Variants in NKX2-6 observed in about 807,000 individuals in gnomAD.
The protein encoded by NKX2-6 is NK2 homeobox 6, also known as homeobox protein Nkx-2.6.
NKX2-6 carries 8 observed loss-of-function variants against 8.6 expected under a neutral mutation model. The observed-to-expected ratio is 0.93, with a 90% CI of 0.54 to 1.67. The LOEUF (loss-of-function observed/expected upper bound fraction) is 1.67, where lower values mean the gene tolerates loss of function less well. Among genes scored for constraint, NKX2-6 ranks in the 40% most tolerant of loss-of-function variants. The pLI is 0.00. For missense variants in NKX2-6, 475 were observed against 423.1 expected (o/e 1.12, Z -1.08); for synonymous variants, 210 against 199.3 (o/e 1.05, Z -0.45).
rs1801016037 is a variant in NKX2-6 at position 23,702,273 on chromosome 8, C to A, written c.*178G>T. ...TCTTTTGGGGGAAGAACGTCCCAGGCGGGGCCTTTAACTGGGTGACTGTGG... is the reference window on the plus strand; with the variant it reads ...TCTTTTGGGGGAAGAACGTCCCAGGAGGGGCCTTTAACTGGGTGACTGTGG... On this transcript the variant is annotated 3_prime_UTR_variant, in exon 2 of 2. Coordinates refer to ENST00000325017, the MANE Select transcript of NKX2-6 (RefSeq NM_001136271.3). Among the ~76,000 whole-genome samples, 1 of 152,214 alleles carries A rather than the reference C, an allele frequency of 6.6e-6. No homozygotes were observed. The highest frequency in any genetic ancestry group is 2.1e-4 in the South Asian group (1 of 4,838).
Position 23,706,333 on chromosome 8 carries a change from C to T in NKX2-6, c.266G>A (p.Gly89Glu), listed in dbSNP as rs1441762130. ...AVLEMDAERMGEPQPGLNAAS... is the reference protein window; with the variant it reads ...AVLEMDAERMEEPQPGLNAAS... Reference sequence around the variant, plus strand: ...CCTGAGCGCTTACTCACGTGGCTCCCCCATCCGTTCCGCGTCCATCTCCAA... The same window carrying T: ...CCTGAGCGCTTACTCACGTGGCTCCTCCATCCGTTCCGCGTCCATCTCCAA... The change falls in exon 1 of 2, where the codon GGG becomes GAG. Residue 89 changes from glycine to glutamate, a missense_variant. Gly to Glu is a moderately conservative substitution (Grantham distance 98, BLOSUM62 -2). Coordinates refer to ENST00000325017, the MANE Select transcript of NKX2-6 (RefSeq NM_001136271.3). 1.3e-6 allele frequency: 2 copies of T among 1,549,010 alleles called. No homozygotes were observed. The highest frequency in any genetic ancestry group is 1.7e-6 in the Non-Finnish European group (2 of 1,145,202).
chr8:23,706,298 G>C, intron 1 of NKX2-6, 27 bp downstream of exon 1: 1 of 1,503,490 alleles, frequency 6.7e-7, no homozygotes, highest in Non-Finnish European at 8.9e-7. Flanking sequence ...TCCCCCCGTA[G>C]GAGGCAAGAC....
chr8:23,705,905 A>C (rs1030271630), intron 1 of NKX2-6, among the ~76,000 whole-genome samples: 1 of 152,192 alleles, frequency 6.6e-6, no homozygotes, highest in African/African-American at 2.4e-5. Context: ...TTTGATGGCC[A>C]CACGCTTTTG....
chr8:23,702,337 G>C lies in NKX2-6; in HGVS notation c.*114C>G, dbSNP rs1403337561. On this transcript the variant is annotated 3_prime_UTR_variant, in exon 2 of 2. Coordinates refer to ENST00000325017, the MANE Select transcript of NKX2-6 (RefSeq NM_001136271.3). ...TTCAGAGATCCCTCCGGAAAGAAGC[G>C]CCGTTGGGTAGCAGCTTCCTTCCAG... 2.5e-6 allele frequency: 3 copies of C among 1,179,740 alleles called. No individual in the cohort carries two copies. The highest frequency in any genetic ancestry group is 3.4e-6 in the Non-Finnish European group (3 of 874,640). 73.1% of individuals were successfully genotyped at this position (1,179,740 alleles called of 1,614,324 possible).
chr8:23,702,951 G>C lies in NKX2-6; in HGVS notation c.406C>G (p.Arg136Gly). 6.5e-7 allele frequency: 1 copy of C among 1,547,840 alleles called. No homozygotes were observed. The highest frequency in any genetic ancestry group is 8.7e-7 in the Non-Finnish European group (1 of 1,145,746). Residue 136 changes from arginine (R) to glycine (G), a missense_variant, in exon 2 of 2, where the codon CGC (arginine) becomes GGC (glycine). Transcript: ENST00000325017. ...QPKARQRRKP[R>G]VLFSQAQVLA... is the part of the protein sequence containing the mutation. The stretch of plus-strand genomic sequence containing the variant: ...ACCTGCGCCTGCGAAAAGAGCACGC[G>C]CGGCTTCCGTCGTTGCCGCGCCTTG...
rs1461236642 is a variant in NKX2-6, at chr8:23,702,879, G to A, written c.478C>T (p.Pro160Ser). 2 of 1,558,830 alleles carry A rather than the reference G, an allele frequency of 1.3e-6. No homozygotes were observed. The highest frequency in any genetic ancestry group is 1.7e-6 in the Non-Finnish European group (2 of 1,151,128). ...GCGCTGGCCAGGTGCTCGCGCTCGGGCGCTGACAGGTACCGCTGCTGCTTG... is the reference window on the plus strand; with the variant it reads ...GCGCTGGCCAGGTGCTCGCGCTCGGACGCTGACAGGTACCGCTGCTGCTTG... ...RFKQQRYLSA[P>S]EREHLASALQ... The change falls in exon 2 of 2, where the codon CCC becomes TCC. Residue 160 changes from proline to serine, a missense_variant. Pro to Ser is a moderately conservative substitution (Grantham distance 74). Transcript: ENST00000325017.
chr8:23,703,921 C>G (rs944876294), intron 1 of NKX2-6, among the ~76,000 whole-genome samples: 1 of 151,928 alleles, frequency 6.6e-6, no homozygotes, highest in Non-Finnish European at 1.5e-5. Flanking sequence ...AGAGAGAAGC[C>G]CGGGTGTCAA....
chr8:23,704,451 G>T (rs752150708), intron 1 of NKX2-6, among the ~76,000 whole-genome samples: 8 of 152,150 alleles, frequency 5.3e-5, no homozygotes, highest in Non-Finnish European at 1.0e-4. Context: ...TACCCCAAGG[G>T]TGGATAGAAG....
intron 1 of NKX2-6, 32 bp downstream of exon 1, chr8:23,706,293 C>A: frequency 6.6e-7 from 1 of 1,510,432 alleles, no homozygotes; most frequent in Non-Finnish European, 8.9e-7. Context: ...CACATTCCCC[C>A]CGTAGGAGGC....
At chr8:23,704,887 C>T (rs1264121150) in intron 1 of NKX2-6, among the ~76,000 whole-genome samples, 1 of 152,216 alleles carries the variant, frequency 6.6e-6, no homozygotes, top group South Asian at 2.1e-4. Context: ...TGTTCACAAT[C>T]CTGGAGTTCT....
chr8:23,706,189 T>C (rs1032689024), intron 1 of NKX2-6, 136 bp downstream of exon 1: 4 of 944,064 alleles, frequency 4.2e-6, no homozygotes, highest in Middle Eastern at 2.5e-4. Context: ...AGAGGCCTTT[T>C]TTTGGACTCC....
At position 23,702,850 on chromosome 8, in the gene NKX2-6, C is replaced by T. The variant is rs1339126230; in HGVS notation, c.507G>A (p.Leu169=). The change falls in exon 2 of 2, where the codon CTG becomes CTA. Residue 169 remains leucine (L), a synonymous_variant. Coordinates refer to ENST00000325017, the MANE Select transcript of NKX2-6 (RefSeq NM_001136271.3). ...APEREHLASA[L]QLTSTQVKIW... is the part of the protein sequence containing the mutation. ...TCTTGACCTGCGTGGACGTGAGCTG[C>T]AGCGCGCTGGCCAGGTGCTCGCGCT... is the stretch of plus-strand genomic sequence containing the variant. 4.5e-6 allele frequency: 7 copies of T among 1,569,494 alleles called. No homozygotes were observed. The highest frequency in any genetic ancestry group is 3.5e-5 in the South Asian group (3 of 85,492).
Position 23,706,733 on chromosome 8 carries a change from C to G in NKX2-6, c.-135G>C, listed in dbSNP as rs1801099049. ...CGCCCAGCGTCCCAGACAGCGCCTTCCTCTGGGCCATGCTGGTAGGCCCGG... is the reference window on the plus strand; with the variant it reads ...CGCCCAGCGTCCCAGACAGCGCCTTGCTCTGGGCCATGCTGGTAGGCCCGG... On this transcript the variant is annotated 5_prime_UTR_variant, in exon 1 of 2. Coordinates refer to ENST00000325017, the MANE Select transcript of NKX2-6 (RefSeq NM_001136271.3). 3.8e-6 allele frequency: 4 copies of G among 1,041,146 alleles called. No individual in the cohort carries two copies. In the Admixed American group the frequency reaches 8.5e-5, roughly 22 times the overall value. The allele number at this position is 1,041,146 out of a possible 1,614,324, so 64.5% of individuals were successfully genotyped here. A position where few individuals can be genotyped will look rare whatever the true frequency, so the allele number is the denominator to read the frequency against.
chr8:23,706,660 C>T lies in NKX2-6; in HGVS notation c.-62G>A. 4.1e-6 allele frequency: 6 copies of T among 1,461,856 alleles called. No individual in the cohort carries two copies. The highest frequency in any genetic ancestry group is 5.5e-6 in the Non-Finnish European group (6 of 1,099,206). 90.6% of individuals were successfully genotyped at this position (1,461,856 alleles called of 1,614,324 possible). A position where few individuals can be genotyped will look rare whatever the true frequency, so the allele number is the denominator to read the frequency against. On this transcript the variant is annotated 5_prime_UTR_variant, in exon 1 of 2. Coordinates refer to ENST00000325017, the MANE Select transcript of NKX2-6 (RefSeq NM_001136271.3). ...GTGAGGAGCGGCACCCTGAACTTCC[C>T]GTCTTGTCGCTGCAGGCCCCGCAGA... is the stretch of plus-strand genomic sequence containing the variant.
rs965244578 is a variant in NKX2-6, at chr8:23,702,588, C to A, written c.769G>T (p.Gly257Cys). ...GAGGGCGCGCCCGCGTAGCAGGTGC[C>A]GTAGCCTGCGCCGTAGGGTGCTCCG... is the stretch of plus-strand genomic sequence containing the variant. Reference protein sequence around the residue: ...YSGAPYGAGYGTCYAGAPSGP... With the variant: ...YSGAPYGAGYCTCYAGAPSGP... Residue 257 changes from glycine to cysteine, a missense_variant, in exon 2 of 2, where the codon GGC becomes TGC. By Grantham distance (159) the Gly-to-Cys change is radical (BLOSUM62 -3). Coordinates refer to ENST00000325017, the MANE Select transcript of NKX2-6 (RefSeq NM_001136271.3). 2 of 1,545,570 alleles carry A rather than the reference C, an allele frequency of 1.3e-6. No individual in the cohort carries two copies. Among genetic ancestry groups the A allele is most frequent in the African/African-American group, 2.7e-5 (2 of 73,000 alleles).
rs1254295378 is a variant in NKX2-6 at position 23,706,564 on chromosome 8, G to A, written c.35C>T (p.Ser12Leu). Residue 12 changes from serine (S) to leucine (L), a missense_variant, in exon 1 of 2, where the codon TCG (serine) becomes TTG (leucine). Transcript: ENST00000325017. Reference sequence around the variant, plus strand: ...CTCCAGTCGCAGGATGTCCTTGACCGAGAAGGGGGTGGAGGTGACGGGGCT... The same window carrying A: ...CTCCAGTCGCAGGATGTCCTTGACCAAGAAGGGGGTGGAGGTGACGGGGCT... ...LLSPVTSTPF[S>L]VKDILRLERE... 12 of 1,536,160 alleles carry A rather than the reference G, an allele frequency of 7.8e-6. No individual in the cohort carries two copies. The highest frequency in any genetic ancestry group is 2.4e-5 in the South Asian group (2 of 84,056).
Position 23,706,747 on chromosome 8 carries a change from T to C in NKX2-6, c.-149A>G. 1 of 922,588 alleles carries C rather than the reference T, an allele frequency of 1.1e-6. No individual in the cohort carries two copies. The highest frequency in any genetic ancestry group is 1.8e-5 in the South Asian group (1 of 56,336). The allele number at this position is 922,588 out of a possible 1,614,324, so 57.2% of individuals were successfully genotyped here. Reference sequence around the variant, plus strand: ...GACAGCGCCTTCCTCTGGGCCATGCTGGTAGGCCCGGGTCCAGGGCCGGGT... The same window carrying C: ...GACAGCGCCTTCCTCTGGGCCATGCCGGTAGGCCCGGGTCCAGGGCCGGGT... On this transcript the variant is annotated 5_prime_UTR_variant, in exon 1 of 2. Transcript: ENST00000325017.
In NKX2-6 at chr8:23,702,600, C is replaced by T; in HGVS notation, c.757G>A (p.Gly253Ser). 2 of 1,547,100 alleles carry T rather than the reference C, an allele frequency of 1.3e-6. No individual in the cohort carries two copies. Among genetic ancestry groups the T allele is most frequent in the Admixed American group, 2.0e-5 (1 of 50,972 alleles). ...GCGTAGCAGGTGCCGTAGCCTGCGC[C>T]GTAGGGTGCTCCGCTGTAGCCTCCG... ...CYGGYSGAPY[G>S]AGYGTCYAGA... The change falls in exon 2 of 2, where the codon GGC becomes AGC. Residue 253 changes from glycine (G) to serine (S), a missense_variant. By Grantham distance (56) the Gly-to-Ser change is moderately conservative (BLOSUM62 0). Transcript: ENST00000325017.
rs1801095175 is a variant in NKX2-6 at position 23,706,534 on chromosome 8, T to C, written c.65A>G (p.Glu22Gly). The C allele has an allele frequency of 6.5e-7, 1 of 1,536,974 alleles. No homozygotes were observed. Among genetic ancestry groups the C allele is most frequent in the South Asian group, 1.2e-5 (1 of 84,052 alleles). Residue 22 changes from glutamate (E) to glycine (G), a missense_variant, in exon 1 of 2, where the codon GAG becomes GGG. By Grantham distance (98) the Glu-to-Gly change is moderately conservative (BLOSUM62 -2). Coordinates refer to ENST00000325017, the MANE Select transcript of NKX2-6 (RefSeq NM_001136271.3). ...SVKDILRLER[E>G]RSCPAASPHP... The stretch of plus-strand genomic sequence containing the variant: ...TGGCGAAGCCGCGGGGCAGCTCCGC[T>C]CGCGCTCCAGTCGCAGGATGTCCTT...
Sources: gnomAD v4.1 joint callset for allele counts (sites outside exome capture counted in the v4.1 genomes callset) on GRCh38, gnomAD v4.1.1 for gene constraint, MANE v1.5 for transcripts, NCBI Gene and HGNC (gene_info 2026-07-23, HGNC 2026-07-21) for gene names.